SARDH: variants seen among roughly 807,000 people sequenced by gnomAD.
SARDH encodes sarcosine dehydrogenase.
SARDH carries 95 observed loss-of-function variants against 109.1 expected under a neutral mutation model. The observed-to-expected ratio is 0.87, with a 90% confidence interval of 0.74 to 1.03. SARDH has a LOEUF of 1.03. Ranked by LOEUF, SARDH falls within the 50% of genes least tolerant of loss-of-function variation. SARDH has a pLI of 0.00. For synonymous variants in SARDH, 572 were observed against 534.8 expected, an observed-to-expected ratio of 1.07 and a Z score of -0.96; for missense variants, 1,267 against 1,287.8, an observed-to-expected ratio of 0.98 and a Z score of 0.25.
At chr9:133,738,617 C>T (rs1398153142), upstream of SARDH, among the ~76,000 whole-genome samples, 1 of 152,218 alleles carries the variant, frequency 6.6e-6, no homozygotes, top group Non-Finnish European at 1.5e-5. Flanking sequence ...CTGCAGTAGA[C>T]CCAGGCACCA....
At chr9:133,663,120 C>A (rs1829939250), downstream of SARDH, among the ~76,000 whole-genome samples, 1 of 152,316 alleles carries the variant, frequency 6.6e-6, no homozygotes, top group East Asian at 1.9e-4. Context: ...AGGGGGACTC[C>A]ACCAGACTCT....
Position 133,712,758 on chromosome 9 carries a change from C to G in SARDH, c.1238-49G>C. 1 of 1,550,530 alleles carries G rather than the reference C, an allele frequency of 6.4e-7. No homozygotes were observed. The highest frequency in any genetic ancestry group is 8.8e-7 in the Non-Finnish European group (1 of 1,136,006). On this transcript the variant is annotated intron_variant, in intron 9 of 20. Transcript: ENST00000439388. This position sits in a 1 kb window ranked among gnomAD's most constrained non-coding sequence, Gnocchi z 4.1. ...CTGCGGTCTGCCCCCCAGGGTCCCC[C>G]ACCCATGTCCAAACATGTGCCCCCA... is the stretch of plus-strand genomic sequence containing the variant.
At position 133,718,405 on chromosome 9, in the gene SARDH, A is replaced by C; in HGVS notation, c.1020+533T>G. On this transcript the variant is annotated intron_variant, in intron 7 of 20. Coordinates refer to ENST00000439388, the MANE Select transcript of SARDH (RefSeq NM_001134707.2). The surrounding 1 kb of genome is among the most constrained non-coding windows in gnomAD (Gnocchi z 4.2). ...GTTTATTGTATGTCTCTCCACCAAA[A>C]TATAGGCACCCAGAGTCAGGGACTT... The C allele has an allele frequency of 2.3e-6, 1 of 426,090 alleles. No individual in the cohort carries two copies. Among genetic ancestry groups the C allele is most frequent in the Non-Finnish European group, 4.2e-6 (1 of 237,790 alleles). The allele number at this position is 426,090 out of a possible 1,614,324, so 26.4% of individuals were successfully genotyped here. A position where few individuals can be genotyped will look rare whatever the true frequency, so the allele number is the denominator to read the frequency against.
At chr9:133,689,737 C>CA (rs397799418) in intron 16 of SARDH, among the ~76,000 whole-genome samples, 2 of 152,052 alleles carry the variant, frequency 1.3e-5, no homozygotes, top group Non-Finnish European at 2.9e-5. Context: ...CCCTGTCCCC[C>CA]ACCCCCAGTC....
intron 17 of SARDH, among the ~76,000 whole-genome samples, chr9:133,680,715 G>C (rs62575444): frequency 0.03 from 4,531 of 152,160 alleles, 138 homozygotes; most frequent in East Asian, 0.13. Context: ...TCAAGCTCCT[G>C]AGGGCCACAG....
chr9:133,738,711 G>C (rs1832966392), upstream of SARDH, among the ~76,000 whole-genome samples: 1 of 152,248 alleles, frequency 6.6e-6, no homozygotes. Flanking sequence ...GGGGTCAGCA[G>C]CAGCTTGGGC....
intron 13 of SARDH, among the ~76,000 whole-genome samples, chr9:133,697,303 C>T (rs1831320709): frequency 6.6e-6 from 1 of 152,150 alleles, no homozygotes; most frequent in African/African-American, 2.4e-5. Context: ...GAAAAATTGT[C>T]CACAATCCCA....
At chr9:133,675,711 G>A (rs139714287) in intron 17 of SARDH, among the ~76,000 whole-genome samples, 1 of 152,200 alleles carries the variant, frequency 6.6e-6, no homozygotes, top group East Asian at 1.9e-4. Flanking sequence ...ATTGAAAGGA[G>A]GGATTCGAAG....
chr9:133,729,374 A>AG (rs1832595918), intron 6 of SARDH, among the ~76,000 whole-genome samples: 1 of 152,104 alleles, frequency 6.6e-6, no homozygotes, highest in African/African-American at 2.4e-5. Context: ...GCCAGGAACC[A>AG]GCACCCTCTG....
intron 14 of SARDH, 51 bp downstream of exon 14, chr9:133,696,172 G>A: frequency 6.2e-7 from 1 of 1,605,998 alleles, no homozygotes; most frequent in Non-Finnish European, 8.5e-7. Flanking sequence ...AGTGCCTGAG[G>A]CTGTGCCCAT....
In SARDH at chr9:133,676,942, C is replaced by A. The variant is rs182196096; in HGVS notation, c.2164-5245G>T. Among the ~76,000 whole-genome samples, 4 of 152,294 alleles carry A rather than the reference C, an allele frequency of 2.6e-5. No individual in the cohort carries two copies. In the East Asian group the frequency reaches 7.7e-4, roughly 29 times the overall value. Reference sequence around the variant, plus strand: ...TCACTTGAGGCCAGGAGTTTGAGACCAGCCTGGCCAACACAGCGAAACCCC... The same window carrying A: ...TCACTTGAGGCCAGGAGTTTGAGACAAGCCTGGCCAACACAGCGAAACCCC... On this transcript the variant is annotated intron_variant, in intron 17 of 20. Coordinates refer to ENST00000439388, the MANE Select transcript of SARDH (RefSeq NM_001134707.2).
At position 133,718,740 on chromosome 9, in the gene SARDH, G is replaced by A; in HGVS notation, c.1020+198C>T. 1.3e-6 allele frequency: 1 copy of A among 780,226 alleles called. No homozygotes were observed. The highest frequency in any genetic ancestry group is 2.2e-4 in the Middle Eastern group (1 of 4,446). The allele number at this position is 780,226 out of a possible 1,614,324, so 48.3% of individuals were successfully genotyped here. The stretch of plus-strand genomic sequence containing the variant: ...TGAGGCAAAGCCCTCCAGCTGCCCT[G>A]GGTCTGTATTTGACTGCCTGCCAGG... On this transcript the variant is annotated intron_variant, in intron 7 of 20. Transcript: ENST00000439388. This position sits in a 1 kb window ranked among gnomAD's most constrained non-coding sequence, Gnocchi z 4.2.
intron 6 of SARDH, among the ~76,000 whole-genome samples, chr9:133,727,879 G>A (rs1832546031): frequency 6.6e-6 from 1 of 152,158 alleles, no homozygotes; most frequent in African/African-American, 2.4e-5. Context: ...GCAGGCCTTG[G>A]GAGGAATTAG....
At chr9:133,729,475 C>T (rs1832598921) in intron 6 of SARDH, among the ~76,000 whole-genome samples, 1 of 152,172 alleles carries the variant, frequency 6.6e-6, no homozygotes, top group Admixed American at 6.5e-5. Context: ...AGCTAGGCTG[C>T]CTGCACCACG....
chr9:133,708,281 C>A lies in SARDH; in HGVS notation c.1470+6G>T. 3 of 1,610,880 alleles carry A rather than the reference C, an allele frequency of 1.9e-6. No individual in the cohort carries two copies. The highest frequency in any genetic ancestry group is 2.5e-6 in the Non-Finnish European group (3 of 1,178,628). On this transcript the variant is annotated splice_donor_region_variant and intron_variant, in intron 11 of 20. Transcript: ENST00000439388. ...CAGTCCCCAGCAGGAGCTGTAGGGG[C>A]GTTACCTCGTGCAGCGGGTCTCTCC...
intron 12 of SARDH, 153 bp from the exon 13 acceptor site, chr9:133,703,182 CA>C: frequency 3.0e-6 from 2 of 669,516 alleles, no homozygotes; most frequent in Non-Finnish European, 2.6e-6. Flanking sequence ...TGGACGCGGG[CA>C]GGGGGCCCCC....
At chr9:133,659,796 A>G (rs129915), downstream of SARDH, among the ~76,000 whole-genome samples, 42,065 of 151,988 alleles carry the variant, frequency 0.28, 6,160 homozygotes, top group East Asian at 0.42. Context: ...CTGGAGAGCC[A>G]CTCCGGCCCT....
chr9:133,676,368 G>A (rs1830511949), intron 17 of SARDH, among the ~76,000 whole-genome samples: 1 of 152,154 alleles, frequency 6.6e-6, no homozygotes, highest in Non-Finnish European at 1.5e-5. Context: ...AGAGGGAAAG[G>A]GAATTGCCTC....
At chr9:133,705,085 C>T in intron 11 of SARDH, 54 bp from the exon 12 acceptor site, 1 of 1,509,168 alleles carries the variant, frequency 6.6e-7, no homozygotes. Context: ...TACCCCTGCG[C>T]AGGGCAGAGA....
Sources: gnomAD v4.1 joint callset for allele counts (sites outside exome capture counted in the v4.1 genomes callset) on GRCh38, gnomAD v4.1.1 for gene constraint, Gnocchi (gnomAD v3.1) non-coding constraint, MANE v1.5 for transcripts, NCBI Gene and HGNC (gene_info 2026-07-23, HGNC 2026-07-21) for gene names.